ACAT1: variants seen among roughly 807,000 people sequenced by gnomAD.
ACAT1 encodes acetyl-CoA acetyltransferase, mitochondrial.
Under a neutral mutation model 47.3 loss-of-function variants are expected in ACAT1, and 28 were observed. That is an observed-to-expected ratio of 0.59 (90% confidence interval 0.44 to 0.81). The LOEUF (loss-of-function observed/expected upper bound fraction) is 0.81, where lower values mean the gene tolerates loss of function less well. Among genes scored for constraint, ACAT1 ranks in the 30% least tolerant of loss-of-function variants. The probability of loss-of-function intolerance (pLI) is 0.00; values close to 1 mark genes in which losing one functional copy is unlikely to be tolerated. For missense variants in ACAT1, 469 were observed against 524.3 expected, an observed-to-expected ratio of 0.89 and a Z score of 1.03; for synonymous variants, 181 against 173.6, an observed-to-expected ratio of 1.04 and a Z score of -0.34.
intron 2 of ACAT1, 47 bp downstream of exon 2, chr11:108,132,001 A>G: frequency 8.0e-7 from 1 of 1,242,984 alleles, no homozygotes; most frequent in Non-Finnish European, 1.2e-6. Flanking sequence ...TTTAAAGGAA[A>G]TGTCAATAAA....
At chr11:108,134,137 T>G in intron 3 of ACAT1, 84 bp from the exon 4 acceptor site, 3 of 1,322,264 alleles carry the variant, frequency 2.3e-6, no homozygotes, top group Non-Finnish European at 3.2e-6. Context: ...ATTCCTATTG[T>G]GTAATGTCAC....
chr11:108,132,268 G>A (rs1387106619), intron 2 of ACAT1, among the ~76,000 whole-genome samples: 2 of 152,058 alleles, frequency 1.3e-5, no homozygotes, highest in Non-Finnish European at 2.9e-5. Flanking sequence ...AGACTGTATA[G>A]AAGATCCTAG....
At chr11:108,118,903 G>A (rs1173816324), upstream of ACAT1, among the ~76,000 whole-genome samples, 1 of 152,152 alleles carries the variant, frequency 6.6e-6, no homozygotes, top group Non-Finnish European at 1.5e-5. Flanking sequence ...GCCTCTGATG[G>A]CAGAATTGTC....
intron 5 of ACAT1, among the ~76,000 whole-genome samples, chr11:108,138,369 G>A (rs1226727462): frequency 2.0e-5 from 3 of 150,764 alleles, no homozygotes; most frequent in Non-Finnish European, 3.0e-5. Flanking sequence ...GCAGTGGCAC[G>A]ATCTCAGCTC....
intron 9 of ACAT1, 24 bp from the exon 10 acceptor site, chr11:108,143,959 C>G: frequency 1.1e-5 from 2 of 187,404 alleles, no homozygotes; most frequent in Non-Finnish European, 1.5e-5. Flanking sequence ...TTTTAACAAC[C>G]CCCCCCCCCC....
chr11:108,140,271 A>C, intron 7 of ACAT1, 56 bp downstream of exon 7: 1 of 1,601,998 alleles, frequency 6.2e-7, no homozygotes, highest in Non-Finnish European at 8.6e-7. Context: ...TGAATGTTTT[A>C]TGCTTAAGTT....
At chr11:108,144,495 CA>C (rs1352998926) in intron 10 of ACAT1, among the ~76,000 whole-genome samples, 1 of 152,054 alleles carries the variant, frequency 6.6e-6, no homozygotes, top group Non-Finnish European at 1.5e-5. Flanking sequence ...TCCAAATTGT[CA>C]GTAAGGGCTA....
intron 1 of ACAT1, among the ~76,000 whole-genome samples, chr11:108,123,456 C>G (rs2077187176): frequency 6.6e-6 from 1 of 152,174 alleles, no homozygotes; most frequent in South Asian, 2.1e-4. Context: ...TACATTGGCT[C>G]TTTTCCCTTT....
rs2077453684 is a variant in ACAT1 at position 108,135,554 on chromosome 11, TTG to T, written c.435+316_435+317del. On this transcript the variant is annotated intron_variant, in intron 5 of 11. Coordinates refer to ENST00000265838, the MANE Select transcript of ACAT1 (RefSeq NM_000019.4). ...TGAAAAAAAAAAAAGCCTAAGTGTC[TTG>T]TGTTACAAAGTTGTTTTTAGGCCCA... is the stretch of plus-strand genomic sequence containing the variant. 7.3e-5 allele frequency among the ~76,000 whole-genome samples: 11 copies of T among 151,402 alleles called. No individual in the cohort carries two copies. The South Asian group carries it at 2.3e-3, about 32-fold the overall frequency.
chr11:108,146,011 C>T (rs894251871), intron 10 of ACAT1, 191 bp from the exon 11 acceptor site: 2 of 508,684 alleles, frequency 3.9e-6, no homozygotes, highest in African/African-American at 3.9e-5. Context: ...GGCGCCATTG[C>T]ACTCCAGCCT....
intron 5 of ACAT1, among the ~76,000 whole-genome samples, chr11:108,138,084 G>A (rs1205911130): frequency 1.4e-5 from 2 of 146,844 alleles, no homozygotes; most frequent in Non-Finnish European, 3.0e-5. Context: ...TGCCTCCCAG[G>A]TTCACGCCAT....
chr11:108,125,518 G>GT (rs759425503), intron 1 of ACAT1, among the ~76,000 whole-genome samples: 10 of 152,224 alleles, frequency 6.6e-5, no homozygotes, highest in Non-Finnish European at 1.5e-4. Flanking sequence ...TACTTACAGT[G>GT]TAAGAGGTGC....
chr11:108,132,420 T>C (rs1464663394), intron 2 of ACAT1, among the ~76,000 whole-genome samples: 2 of 152,230 alleles, frequency 1.3e-5, no homozygotes, highest in African/African-American at 4.8e-5. Context: ...GCAACCATTC[T>C]GTTATTTATC....
At position 108,124,466 on chromosome 11, in the gene ACAT1, T is replaced by G. The variant is rs560984155; in HGVS notation, c.72+2788T>G. Among the ~76,000 whole-genome samples, 3 of 152,198 alleles carry G rather than the reference T, an allele frequency of 2.0e-5. No individual in the cohort carries two copies. In the South Asian group the frequency reaches 6.2e-4, roughly 32 times the overall value. ...TTAGTAGGGACGGGCTTTCACCATGTTGGTCAGGATGGGCTCGAACTCCTG... is the reference window on the plus strand; with the variant it reads ...TTAGTAGGGACGGGCTTTCACCATGGTGGTCAGGATGGGCTCGAACTCCTG... On this transcript the variant is annotated intron_variant, in intron 1 of 11. Coordinates refer to ENST00000265838, the MANE Select transcript of ACAT1 (RefSeq NM_000019.4).
At position 108,133,791 on chromosome 11, in the gene ACAT1, A is replaced by G. The variant is rs776870798; in HGVS notation, c.121-29A>G. ...GAAATACGATTTGGGTAAAATACCTATAATTTTTACCATCTTGTGTCTTGC... is the reference window on the plus strand; with the variant it reads ...GAAATACGATTTGGGTAAAATACCTGTAATTTTTACCATCTTGTGTCTTGC... On this transcript the variant is annotated intron_variant, in intron 2 of 11. Coordinates refer to ENST00000265838, the MANE Select transcript of ACAT1 (RefSeq NM_000019.4). The G allele has an allele frequency of 2.9e-5, 45 of 1,565,002 alleles. 1 individual carries two copies. The South Asian group carries it at 3.9e-4, about 14-fold the overall frequency.
chr11:108,135,936 G>C (rs2077459969), intron 5 of ACAT1: 2 of 429,830 alleles, frequency 4.7e-6, no homozygotes, highest in Non-Finnish European at 8.2e-6. Flanking sequence ...CATTATAAAG[G>C]AGAACACGGT....
At chr11:108,121,944 A>G (rs908907502) in intron 1 of ACAT1, 1 of 543,960 alleles carries the variant, frequency 1.8e-6, no homozygotes, top group African/African-American at 1.9e-5. Flanking sequence ...AAACAAGGGC[A>G]CGTGTCTGGG....
intron 4 of ACAT1, among the ~76,000 whole-genome samples, chr11:108,134,778 T>C (rs2077433455): frequency 6.6e-6 from 1 of 151,140 alleles, no homozygotes; most frequent in Non-Finnish European, 1.5e-5. Context: ...ACCCTGTCTC[T>C]ACTAAAAATA....
At chr11:108,146,114 T>C (rs1192240940) in intron 10 of ACAT1, 88 bp from the exon 11 acceptor site, 4 of 1,145,862 alleles carry the variant, frequency 3.5e-6, no homozygotes, top group South Asian at 1.3e-5. Context: ...AAATAACTTA[T>C]GTCAAACTGT....
Sources: gnomAD v4.1 joint callset for allele counts (sites outside exome capture counted in the v4.1 genomes callset) on GRCh38, gnomAD v4.1.1 for gene constraint, MANE v1.5 for transcripts, NCBI Gene and HGNC (gene_info 2026-07-23, HGNC 2026-07-21) for gene names.